The following ARMC3 variants were observed in gnomAD, a reference collection of about 807,000 sequenced individuals.
The protein encoded by ARMC3 is armadillo repeat containing 3, also known as armadillo repeat-containing protein 3.
In ARMC3, 74 loss-of-function variants were observed where a neutral mutation model predicts 90.3. The observed-to-expected ratio is 0.82, with a 90% confidence interval of 0.68 to 0.99. The LOEUF is 0.99. Ranked by LOEUF, ARMC3 falls within the 50% of genes least tolerant of loss-of-function variation. The pLI is 0.00. For missense variants in ARMC3, 958 were observed against 1,042.8 expected (o/e 0.92, Z 1.12); for synonymous variants, 334 against 361.8 (o/e 0.92, Z 0.87).
At chr10:22,976,823 C>A (rs1835943555) in intron 8 of ARMC3, among the ~76,000 whole-genome samples, 1 of 152,164 alleles carries the variant, frequency 6.6e-6, no homozygotes, top group African/African-American at 2.4e-5. Flanking sequence ...CAAAGAGTAA[C>A]CTTCTGAAAA....
intron 2 of ARMC3, 127 bp downstream of exon 2, chr10:22,932,171 TGATAA>T: frequency 1.6e-6 from 1 of 618,116 alleles, no homozygotes; most frequent in South Asian, 2.9e-5. Context: ...GTCTGACTAA[TGATAA>T]GATTAGTCAG....
At chr10:22,977,393 C>T (rs1000392186) in intron 8 of ARMC3, among the ~76,000 whole-genome samples, 3 of 152,100 alleles carry the variant, frequency 2.0e-5, no homozygotes, top group Non-Finnish European at 4.4e-5. Context: ...TAAAGTAACC[C>T]GGCCCTCATT....
chr10:23,023,004 A>G (rs1465938086), intron 16 of ARMC3, among the ~76,000 whole-genome samples: 1 of 152,104 alleles, frequency 6.6e-6, no homozygotes, highest in African/African-American at 2.4e-5. Flanking sequence ...TCCCCATGGC[A>G]TTGAGGCTAC....
intron 2 of ARMC3, among the ~76,000 whole-genome samples, chr10:22,940,313 C>T (rs534690929): frequency 2.0e-5 from 3 of 152,266 alleles, no homozygotes; most frequent in Admixed American, 6.5e-5. Context: ...CAATGAAATA[C>T]TTAGACACTA....
intron 10 of ARMC3, among the ~76,000 whole-genome samples, chr10:22,997,854 T>A (rs1266338994): frequency 6.6e-6 from 1 of 152,174 alleles, no homozygotes; most frequent in African/African-American, 2.4e-5. Context: ...ACCTTTTTTT[T>A]AAGAAGTAGT....
chr10:22,976,153 C>T (rs1388337009), intron 8 of ARMC3, among the ~76,000 whole-genome samples: 1 of 152,202 alleles, frequency 6.6e-6, no homozygotes, highest in East Asian at 1.9e-4. Context: ...TCAGAGCTTT[C>T]TAAGAGGCCC....
At chr10:22,997,177 T>G (rs1463739305) in intron 10 of ARMC3, 1 of 152,202 alleles carries the variant, frequency 6.6e-6, no homozygotes, top group Non-Finnish European at 1.5e-5. Context: ...TAAAGTATCT[T>G]CCACTCATTA....
At chr10:23,030,905 C>A in intron 17 of ARMC3, 109 bp downstream of exon 17, 1 of 1,222,830 alleles carries the variant, frequency 8.2e-7, no homozygotes. Context: ...TTGAAGTTTA[C>A]AGCACTCTGA....
intron 13 of ARMC3, among the ~76,000 whole-genome samples, chr10:23,005,279 C>T (rs967883780): frequency 3.3e-5 from 5 of 150,800 alleles, no homozygotes; most frequent in Admixed American, 6.6e-5. Flanking sequence ...CGGGAAAAGC[C>T]GAAAAACGAT....
chr10:22,951,501 A>C (rs1228877906), intron 3 of ARMC3, among the ~76,000 whole-genome samples: 1 of 152,166 alleles, frequency 6.6e-6, no homozygotes, highest in Non-Finnish European at 1.5e-5. Context: ...ATTTATCCAA[A>C]TAGATCATAT....
chr10:22,977,595 A>C (rs1835988969), intron 8 of ARMC3, among the ~76,000 whole-genome samples: 1 of 152,208 alleles, frequency 6.6e-6, no homozygotes, highest in South Asian at 2.1e-4. Context: ...TTCAACTGGT[A>C]ATCTTCCTCC....
At chr10:22,940,022 CTGTCTA>C (rs919252168) in intron 2 of ARMC3, among the ~76,000 whole-genome samples, 11 of 152,278 alleles carry the variant, frequency 7.2e-5, no homozygotes, top group African/African-American at 2.4e-4. Context: ...CAACTCTCAC[CTGTCTA>C]TAAGAATCCT....
chr10:23,028,300 A>G (rs1838797520), intron 16 of ARMC3, among the ~76,000 whole-genome samples: 1 of 152,162 alleles, frequency 6.6e-6, no homozygotes, highest in South Asian at 2.1e-4. Flanking sequence ...TAAACTTTTA[A>G]TTACGTATTT....
chr10:22,959,962 G>A (rs1835122556), intron 6 of ARMC3: 1 of 380,520 alleles, frequency 2.6e-6, no homozygotes, highest in Non-Finnish European at 5.1e-6. Context: ...CTGAGATTTT[G>A]GTTTAGGCTT....
At chr10:23,021,155 A>T (rs1178246684) in intron 16 of ARMC3, among the ~76,000 whole-genome samples, 2 of 152,144 alleles carry the variant, frequency 1.3e-5, no homozygotes, top group African/African-American at 4.8e-5. Flanking sequence ...ATTCTTTTTT[A>T]TGGCTGTATC....
At chr10:22,935,336 T>C (rs963033300) in intron 2 of ARMC3, among the ~76,000 whole-genome samples, 3 of 152,168 alleles carry the variant, frequency 2.0e-5, no homozygotes, top group Non-Finnish European at 4.4e-5. Flanking sequence ...TTCTTTGTCA[T>C]AGACTGACAA....
At chr10:23,005,825 T>C (rs962927245) in intron 13 of ARMC3, among the ~76,000 whole-genome samples, 1 of 151,548 alleles carries the variant, frequency 6.6e-6, no homozygotes, top group African/African-American at 2.4e-5. Flanking sequence ...GATGGCACCA[T>C]TGTACTCCAG....
intron 16 of ARMC3, among the ~76,000 whole-genome samples, chr10:23,029,749 ATTAAAATTTCATCTTTATTAAGT>A (rs1838847428): frequency 6.6e-6 from 1 of 152,202 alleles, no homozygotes; most frequent in African/African-American, 2.4e-5. Context: ...AGAACTTTTA[ATTAAAATTTCATCTTTATTAAGT>A]ACTAAACTAA....
At position 22,968,419 on chromosome 10, in the gene ARMC3, T is replaced by A; in HGVS notation, c.846T>A (p.Phe282Leu). ...GGGGTCTTAAAAAGCTCCTGTCATTTGCAGAAAACTCTACAATTCCTGATA... is the reference window on the plus strand; with the variant it reads ...GGGGTCTTAAAAAGCTCCTGTCATTAGCAGAAAACTCTACAATTCCTGATA... ...QTGGLKKLLS[F>L]AENSTIPDIQ... Residue 282 changes from phenylalanine to leucine, a missense_variant, in exon 8 of 19, where the codon TTT becomes TTA. Coordinates refer to ENST00000298032, the MANE Select transcript of ARMC3 (RefSeq NM_173081.5). The A allele has an allele frequency of 6.2e-7, 1 of 1,612,942 alleles. No individual in the cohort carries two copies. The highest frequency in any genetic ancestry group is 8.5e-7 in the Non-Finnish European group (1 of 1,179,692).
Sources: allele counts gnomAD v4.1 joint callset (sites outside exome capture counted in the v4.1 genomes callset), GRCh38; gene constraint gnomAD v4.1.1; transcripts MANE v1.5; gene names NCBI Gene and HGNC (gene_info 2026-07-23, HGNC 2026-07-21).